The following RAB38 variants were observed in gnomAD, a reference collection of about 807,000 sequenced individuals.
The protein encoded by RAB38 is ras-related protein Rab-38.
In RAB38, 15 loss-of-function variants were observed where a neutral mutation model predicts 18.4. The ratio of observed to expected loss-of-function variants is 0.82; its 90% CI spans 0.55 to 1.26. The LOEUF (loss-of-function observed/expected upper bound fraction) is 1.26, where lower values mean the gene tolerates loss of function less well. Ranked by LOEUF, RAB38 falls within the 50% of genes most tolerant of loss-of-function variation. The pLI is 0.00. For synonymous variants in RAB38, 101 were observed against 104.4 expected, an observed-to-expected ratio of 0.97 and a Z score of 0.20; for missense variants, 294 against 267.4, an observed-to-expected ratio of 1.10 and a Z score of -0.69.
chr11:87,821,667 T>G, the RAB38 span, among the ~76,000 whole-genome samples: 2 of 151,810 alleles, frequency 1.3e-5, no homozygotes, highest in African/African-American at 2.4e-5. Context: ...CTGGCCAACA[T>G]GACAAAACCC....
intron 1 of RAB38, chr11:88,174,063 T>C: frequency 2.0e-6 from 2 of 985,372 alleles, no homozygotes; most frequent in Non-Finnish European, 2.4e-6. Flanking sequence ...GACCATGAAA[T>C]AAGACTGTTT....
At chr11:87,913,565 C>G in the RAB38 span, among the ~76,000 whole-genome samples, 6,292 of 152,090 alleles carry the variant, frequency 0.041, 427 homozygotes, top group African/African-American at 0.14. Context: ...TGACTTGTCT[C>G]CACCAAAAGT....
the RAB38 span, among the ~76,000 whole-genome samples, chr11:88,049,472 G>A: frequency 6.8e-6 from 1 of 147,406 alleles, no homozygotes; most frequent in Non-Finnish European, 1.5e-5. Flanking sequence ...CGATTTGACT[G>A]TAATTTTCCT....
At chr11:87,853,264 T>C in the RAB38 span, among the ~76,000 whole-genome samples, 1,997 of 152,252 alleles carry the variant, frequency 0.013, 42 homozygotes, top group African/African-American at 0.046. Flanking sequence ...ACTCCTAATA[T>C]TATGGTATGT....
intron 1 of RAB38, among the ~76,000 whole-genome samples, chr11:88,161,508 T>C (rs1446901500): frequency 4.6e-5 from 7 of 152,084 alleles, no homozygotes; most frequent in Non-Finnish European, 1.0e-4. Context: ...ACCATGGCAC[T>C]GAAAATCCTG....
chr11:87,847,683 TG>T, the RAB38 span, among the ~76,000 whole-genome samples: 1 of 152,046 alleles, frequency 6.6e-6, no homozygotes, highest in African/African-American at 2.4e-5. Flanking sequence ...ACAAGACTCA[TG>T]CACAGGATGC....
the RAB38 span, among the ~76,000 whole-genome samples, chr11:87,930,033 A>C: frequency 6.6e-6 from 1 of 152,146 alleles, no homozygotes; most frequent in Non-Finnish European, 1.5e-5. Context: ...ATACGTGTGC[A>C]CGTGTCTTTA....
At chr11:87,890,121 T>A in the RAB38 span, among the ~76,000 whole-genome samples, 1 of 151,814 alleles carries the variant, frequency 6.6e-6, no homozygotes, top group Non-Finnish European at 1.5e-5. Flanking sequence ...TCTAGTGAAG[T>A]TATAGAGTTA....
At chr11:87,877,682 C>G in the RAB38 span, among the ~76,000 whole-genome samples, 1 of 151,526 alleles carries the variant, frequency 6.6e-6, no homozygotes, top group East Asian at 2.0e-4. Flanking sequence ...CATTTCATCC[C>G]CAGGTATAAC....
the RAB38 span, among the ~76,000 whole-genome samples, chr11:88,052,868 A>C: frequency 7.5e-6 from 1 of 133,968 alleles, no homozygotes; most frequent in South Asian, 2.3e-4. Context: ...TATACCTCTC[A>C]TTACTGCCTC....
intron 2 of RAB38, among the ~76,000 whole-genome samples, chr11:88,140,585 G>T (rs914963439): frequency 2.0e-5 from 3 of 152,144 alleles, no homozygotes. Context: ...TAAGGTATAG[G>T]AGAGACTGTA....
the RAB38 span, among the ~76,000 whole-genome samples, chr11:87,842,238 C>T: frequency 6.6e-6 from 1 of 152,136 alleles, no homozygotes; most frequent in African/African-American, 2.4e-5. Context: ...AAGGCCACAA[C>T]ACTAGTGAAG....
the RAB38 span, among the ~76,000 whole-genome samples, chr11:87,929,932 T>C: frequency 1.3e-5 from 2 of 152,138 alleles, no homozygotes; most frequent in East Asian, 3.9e-4. Context: ...CCATGGTGTA[T>C]ATATGCCACA....
intron 2 of RAB38, among the ~76,000 whole-genome samples, chr11:88,115,297 C>T (rs946344382): frequency 1.2e-4 from 18 of 152,130 alleles, no homozygotes; most frequent in Admixed American, 1.2e-3. Flanking sequence ...TACTACAGAA[C>T]CTTGTTGTCC....
chr11:88,115,440 T>C lies in RAB38; in HGVS notation c.484-1300A>G, dbSNP rs536993855. 8 of 152,356 alleles carry C rather than the reference T, an allele frequency of 5.3e-5. No homozygotes were observed. In the South Asian group the frequency reaches 1.7e-3, roughly 32 times the overall value. The allele number at this position is 152,356 out of a possible 1,614,324, so 9.4% of individuals were successfully genotyped here. ...ACTGTTGGCTTCCAAATGGCATCCA[T>C]GACTAATGACCTTAGTTGTAAATGT... On this transcript the variant is annotated intron_variant, in intron 2 of 2. Transcript: ENST00000243662.
At chr11:88,144,521 C>T (rs753455292) in intron 2 of RAB38, among the ~76,000 whole-genome samples, 1 of 152,288 alleles carries the variant, frequency 6.6e-6, no homozygotes, top group South Asian at 2.1e-4. Context: ...GTGAAACATC[C>T]GTTCCTCTCC....
chr11:88,031,728 G>C, the RAB38 span, among the ~76,000 whole-genome samples: 6 of 151,132 alleles, frequency 4.0e-5, 1 homozygote, highest in Admixed American at 4.0e-4. Context: ...GGAAATAAAA[G>C]AGGATACAAA....
chr11:87,974,018 A>C, the RAB38 span, among the ~76,000 whole-genome samples: 1 of 152,016 alleles, frequency 6.6e-6, no homozygotes, highest in East Asian at 1.9e-4. Context: ...AGAAAAAACA[A>C]GCACTTTTTA....
chr11:88,109,436 A>G (rs541180758), downstream of RAB38, among the ~76,000 whole-genome samples: 20 of 152,288 alleles, frequency 1.3e-4, no homozygotes, highest in East Asian at 3.7e-3. Context: ...AAACCTAGGC[A>G]ACTCCATTCA....
Sources: allele counts gnomAD v4.1 joint callset (sites outside exome capture counted in the v4.1 genomes callset), GRCh38; gene constraint gnomAD v4.1.1; transcripts MANE v1.5; gene names NCBI Gene and HGNC (gene_info 2026-07-23, HGNC 2026-07-21).